USP53: variants seen among roughly 807,000 people sequenced by gnomAD.
USP53 encodes ubiquitin specific peptidase 53, also known as ubiquitin carboxyl-terminal hydrolase 53.
A neutral mutation model predicts 94.9 loss-of-function variants in USP53; 71 were observed. That is an observed-to-expected ratio of 0.75 (90% confidence interval 0.62 to 0.91). The LOEUF is 0.91. Ranked by LOEUF, USP53 falls within the 40% of genes least tolerant of loss-of-function variation. The pLI is 0.00. For synonymous variants in USP53, 375 were observed against 422.7 expected, an observed-to-expected ratio of 0.89 and a Z score of 1.39; for missense variants, 1,173 against 1,281.0, an observed-to-expected ratio of 0.92 and a Z score of 1.29.
In USP53 at chr4:119,227,256, T is replaced by TATACACACACACACACACACACACAC. The variant is rs1376598406; in HGVS notation, c.-664-8033_-664-8032insTACACACACACACACACACACACACA. ...ATTAATCCAAAGCCTTGTCTAACAC[T>TATACACACACACACACACACACACAC]ACACACACACACACACACACACACA... On this transcript the variant is annotated intron_variant, in intron 3 of 18. Coordinates refer to ENST00000692078, the MANE Select transcript of USP53 (RefSeq NM_001371395.1). Among the ~76,000 whole-genome samples, 356 of 125,110 alleles carry TATACACACACACACACACACACACAC rather than the reference T, an allele frequency of 2.8e-3. 3 individuals are homozygous for TATACACACACACACACACACACACAC. Among genetic ancestry groups the TATACACACACACACACACACACACAC allele is most frequent in the East Asian group, 5.4e-3 (25 of 4,638 alleles). The allele number at this position is 125,110 out of a possible 152,430, so 82.1% of individuals were successfully genotyped here.
chr4:119,285,314 T>G (rs1201693000), intron 17 of USP53, among the ~76,000 whole-genome samples: 1 of 151,884 alleles, frequency 6.6e-6, no homozygotes, highest in Non-Finnish European at 1.5e-5. Context: ...GGTACGGTTA[T>G]CTACTGAGGT....
At position 119,260,598 on chromosome 4, in the gene USP53, C is replaced by G. The variant is rs1308963191; in HGVS notation, c.767C>G (p.Ser256Cys). 1 of 1,613,820 alleles carries G rather than the reference C, an allele frequency of 6.2e-7. No individual in the cohort carries two copies. Among genetic ancestry groups the G allele is most frequent in the Non-Finnish European group, 8.5e-7 (1 of 1,179,774 alleles). Residue 256 changes from serine (S) to cysteine (C), a missense_variant, in exon 11 of 19, where the codon TCT becomes TGT. By Grantham distance (112) the Ser-to-Cys change is moderately radical (BLOSUM62 -1). Coordinates refer to ENST00000692078, the MANE Select transcript of USP53 (RefSeq NM_001371395.1). Reference sequence around the variant, plus strand: ...GGTTTAGTCTGGGACTCCGAGCATTCTGACTTGACCGAAGCTGTTGTTCGG... The same window carrying G: ...GGTTTAGTCTGGGACTCCGAGCATTGTGACTTGACCGAAGCTGTTGTTCGG... The part of the protein sequence containing the change: ...TIGLVWDSEH[S>C]DLTEAVVRNL...
chr4:119,224,606 A>G (rs556283306), intron 3 of USP53, among the ~76,000 whole-genome samples: 24 of 152,326 alleles, frequency 1.6e-4, no homozygotes, highest in African/African-American at 5.3e-4. Flanking sequence ...GAATTTGTGG[A>G]GCAGAATGCT....
chr4:119,263,794 G>A (rs1561286773), intron 12 of USP53, among the ~76,000 whole-genome samples: 1 of 152,112 alleles, frequency 6.6e-6, no homozygotes, highest in Non-Finnish European at 1.5e-5. Context: ...AGGCCGGGCT[G>A]GTCACGGGGG....
At position 119,291,160 on chromosome 4, in the gene USP53, C is replaced by A; in HGVS notation, c.2252-5C>A. ...ATCTCTTCTCCCCACCCCACCCAAC[C>A]CTAGGCTTTAGAAAAGAACTCAGGA... is the stretch of plus-strand genomic sequence containing the variant. On this transcript the variant is annotated splice_region_variant and splice_polypyrimidine_tract_variant and intron_variant, in intron 17 of 18. Coordinates refer to ENST00000692078, the MANE Select transcript of USP53 (RefSeq NM_001371395.1). 2.7e-6 allele frequency: 4 copies of A among 1,459,194 alleles called. No individual in the cohort carries two copies. The highest frequency in any genetic ancestry group is 2.8e-6 in the Non-Finnish European group (3 of 1,070,984). 90.4% of individuals were successfully genotyped at this position (1,459,194 alleles called of 1,614,324 possible).
At chr4:119,256,202 C>T in intron 7 of USP53, 44 bp from the exon 8 acceptor site, 1 of 1,468,842 alleles carries the variant, frequency 6.8e-7, no homozygotes, top group Non-Finnish European at 9.3e-7. Flanking sequence ...GCTGTGTTCC[C>T]TGCAAGATCA....
rs1751262525 is a variant in USP53, at chr4:119,267,308, T to G, written c.973-12T>G. 1 of 1,610,434 alleles carries G rather than the reference T, an allele frequency of 6.2e-7. No individual in the cohort carries two copies. Among genetic ancestry groups the G allele is most frequent in the South Asian group, 1.1e-5 (1 of 90,260 alleles). ...TTTTGTTTTGTCTTTATTCATTGTG[T>G]TTTTTTAAAAGATTGGAACTAGATG... On this transcript the variant is annotated splice_polypyrimidine_tract_variant and intron_variant, in intron 12 of 18. Transcript: ENST00000692078.
chr4:119,251,200 C>T (rs13140255), intron 7 of USP53, among the ~76,000 whole-genome samples: 14,013 of 152,034 alleles, frequency 0.092, 832 homozygotes, highest in Non-Finnish European at 0.13. Flanking sequence ...TGATGGTTTC[C>T]AGCTTCATCC....
intron 6 of USP53, among the ~76,000 whole-genome samples, chr4:119,246,118 T>C (rs1748199011): frequency 6.6e-6 from 1 of 152,064 alleles, no homozygotes; most frequent in Admixed American, 6.6e-5. Context: ...AGCTCTGAGG[T>C]GAGGGTAGCC....
At position 119,212,796 on chromosome 4, in the gene USP53, G is replaced by A. The variant is rs1743034318; in HGVS notation, c.-1019G>A. On this transcript the variant is annotated 5_prime_UTR_variant, in exon 1 of 19. Transcript: ENST00000692078. ...TGAAGCGGGGCTGGGCCAGCGGGAGGTAGCTCTGTGGGAGTGGAAGGCCTG... is the reference window on the plus strand; with the variant it reads ...TGAAGCGGGGCTGGGCCAGCGGGAGATAGCTCTGTGGGAGTGGAAGGCCTG... 1 of 301,348 alleles carries A rather than the reference G, an allele frequency of 3.3e-6. No individual in the cohort carries two copies. The highest frequency in any genetic ancestry group is 2.2e-5 in the African/African-American group (1 of 46,116). The allele number at this position is 301,348 out of a possible 1,614,324, so 18.7% of individuals were successfully genotyped here.
At chr4:119,266,555 G>T (rs1751152053) in intron 12 of USP53, among the ~76,000 whole-genome samples, 1 of 152,046 alleles carries the variant, frequency 6.6e-6, no homozygotes. Flanking sequence ...GTAATATTTT[G>T]AGCATCTTTT....
At chr4:119,275,692 A>G (rs1752537170) in intron 17 of USP53, among the ~76,000 whole-genome samples, 1 of 151,800 alleles carries the variant, frequency 6.6e-6, no homozygotes, top group South Asian at 2.1e-4. Flanking sequence ...CTTGGGCAGT[A>G]TGGCCATTTT....
At chr4:119,288,030 G>A (rs1278811603) in intron 17 of USP53, among the ~76,000 whole-genome samples, 1 of 152,190 alleles carries the variant, frequency 6.6e-6, no homozygotes, top group Non-Finnish European at 1.5e-5. Context: ...TAGAACAGTA[G>A]TTGTCAAACT....
At chr4:119,229,994 A>G (rs1745841380) in intron 3 of USP53, among the ~76,000 whole-genome samples, 1 of 152,172 alleles carries the variant, frequency 6.6e-6, no homozygotes, top group Non-Finnish European at 1.5e-5. Flanking sequence ...TCATCCTCCC[A>G]ACATACGCAT....
Position 119,262,747 on chromosome 4 carries a change from C to A in USP53, c.972+883C>A, listed in dbSNP as rs562623444. The stretch of plus-strand genomic sequence containing the variant: ...AGTTCAAACCTGTGTTGTTCAAGGG[C>A]CAACTGTAATTTGTTTACTCAAATA... On this transcript the variant is annotated intron_variant, in intron 12 of 18. Transcript: ENST00000692078. Among the ~76,000 whole-genome samples the A allele has an allele frequency of 2.0e-5, 3 of 152,112 alleles. No homozygotes were observed. In the South Asian group the frequency reaches 6.2e-4, roughly 32 times the overall value.
intron 3 of USP53, among the ~76,000 whole-genome samples, chr4:119,222,698 T>C (rs1380654459): frequency 6.6e-6 from 1 of 152,190 alleles, no homozygotes; most frequent in Non-Finnish European, 1.5e-5. Flanking sequence ...CATTCATCCA[T>C]TGGCGGACTT....
intron 3 of USP53, among the ~76,000 whole-genome samples, chr4:119,229,913 T>C (rs1156348508): frequency 6.6e-6 from 1 of 152,224 alleles, no homozygotes; most frequent in Non-Finnish European, 1.5e-5. Flanking sequence ...GACCCCTGGT[T>C]CTGTCTACTT....
intron 17 of USP53, 65 bp downstream of exon 17, chr4:119,273,773 T>A: frequency 1.5e-6 from 2 of 1,356,532 alleles, no homozygotes; most frequent in Non-Finnish European, 2.0e-6. Flanking sequence ...TATTGTTTGC[T>A]ATTATGTATC....
chr4:119,213,112 A>T (rs1342638721), intron 1 of USP53: 1 of 152,844 alleles, frequency 6.5e-6, no homozygotes, highest in Non-Finnish European at 1.5e-5. Flanking sequence ...GCCTCTGGCC[A>T]GGCTGGAGGC....
Sources: allele counts gnomAD v4.1 joint callset (sites outside exome capture counted in the v4.1 genomes callset), GRCh38; gene constraint gnomAD v4.1.1; transcripts MANE v1.5; gene names NCBI Gene and HGNC (gene_info 2026-07-23, HGNC 2026-07-21).